EEF1AKMT2: variants seen among roughly 807,000 people sequenced by gnomAD.
The protein encoded by EEF1AKMT2 is eukaryotic translation elongation factor 1 alpha lysine methyltransferase 2.
In EEF1AKMT2, 32 loss-of-function variants were observed where a neutral mutation model predicts 35.8. The observed-to-expected ratio is 0.89, with a 90% confidence interval of 0.67 to 1.20. The LOEUF is 1.20. Among genes scored for constraint, EEF1AKMT2 ranks in the 50% most tolerant of loss-of-function variants. The pLI, the probability that EEF1AKMT2 is intolerant of heterozygous loss-of-function variation, is 0.00. For missense variants in EEF1AKMT2, 330 were observed against 347.5 expected (o/e 0.95, Z 0.40); for synonymous variants, 121 against 133.7 (o/e 0.91, Z 0.65).
At chr10:124,765,993 C>CA (rs1336606294) in intron 4 of EEF1AKMT2, among the ~76,000 whole-genome samples, 1 of 152,080 alleles carries the variant, frequency 6.6e-6, no homozygotes, top group East Asian at 1.9e-4. Flanking sequence ...GAACTAAGTT[C>CA]ACTGGAAATA....
chr10:124,786,425 GA>G (rs1950584502), intron 3 of EEF1AKMT2, among the ~76,000 whole-genome samples: 1 of 151,556 alleles, frequency 6.6e-6, no homozygotes, highest in South Asian at 2.1e-4. Context: ...AAAATGGCGT[GA>G]ATCCGGGAGG....
chr10:124,774,329 C>T (rs1327370181), intron 4 of EEF1AKMT2, among the ~76,000 whole-genome samples: 2 of 140,396 alleles, frequency 1.4e-5, no homozygotes, highest in Non-Finnish European at 3.0e-5. Flanking sequence ...ATGGCGCCAC[C>T]GCACTCCAGC....
Position 124,774,760 on chromosome 10 carries a change from A to G in EEF1AKMT2, c.314T>C (p.Ile105Thr), listed in dbSNP as rs778005708. The G allele has an allele frequency of 6.8e-7, 1 of 1,470,308 alleles. No individual in the cohort carries two copies. Among genetic ancestry groups the G allele is most frequent in the Middle Eastern group, 1.9e-4 (1 of 5,328 alleles). 91.1% of individuals were successfully genotyped at this position (1,470,308 alleles called of 1,614,324 possible). Residue 105 changes from isoleucine to threonine, a missense_variant, in exon 4 of 7, where the codon ATT (isoleucine) becomes ACT (threonine). Transcript: ENST00000368836. Reference sequence around the variant, plus strand: ...AGAAGGAGAGTAATCAATTCCAGTAATATTAGAGAAACCAAATTTTGCCTA... The same window carrying G: ...AGAAGGAGAGTAATCAATTCCAGTAGTATTAGAGAAACCAAATTTTGCCTA... ...VELAKFGFSN[I>T]TGIDYSPSAI...
At chr10:124,770,473 G>A (rs894277912) in intron 4 of EEF1AKMT2, among the ~76,000 whole-genome samples, 1 of 152,136 alleles carries the variant, frequency 6.6e-6, no homozygotes, top group African/African-American at 2.4e-5. Context: ...TCGAAATCAT[G>A]AGTAAGTCAT....
chr10:124,780,600 G>T (rs1024675979), intron 3 of EEF1AKMT2, among the ~76,000 whole-genome samples: 5 of 152,036 alleles, frequency 3.3e-5, no homozygotes, highest in African/African-American at 1.2e-4. Context: ...TGGAGTTCAC[G>T]GGGACCTGTG....
At chr10:124,789,827 T>C (rs1950618737) in intron 2 of EEF1AKMT2, among the ~76,000 whole-genome samples, 1 of 150,898 alleles carries the variant, frequency 6.6e-6, no homozygotes, top group African/African-American at 2.4e-5. Context: ...ATCTACCCAC[T>C]AAAGCCAGAC....
At chr10:124,774,149 C>T (rs1220616151) in intron 4 of EEF1AKMT2, among the ~76,000 whole-genome samples, 1 of 152,080 alleles carries the variant, frequency 6.6e-6, no homozygotes, top group Admixed American at 6.5e-5. Context: ...GGGCAGATCA[C>T]GAGATCAGGA....
chr10:124,760,582 G>A, intron 6 of EEF1AKMT2, 79 bp from the exon 7 acceptor site: 1 of 1,061,800 alleles, frequency 9.4e-7, no homozygotes, highest in South Asian at 1.4e-5. Flanking sequence ...CATTAACACT[G>A]TACCATTGAA....
At chr10:124,774,931 G>A (rs1438304214) in intron 3 of EEF1AKMT2, 149 bp from the exon 4 acceptor site, 2 of 328,864 alleles carry the variant, frequency 6.1e-6, no homozygotes, top group Non-Finnish European at 1.1e-5. Flanking sequence ...AAATTTTATT[G>A]TAGACTCTAA....
intron 4 of EEF1AKMT2, among the ~76,000 whole-genome samples, chr10:124,772,984 T>C (rs1159242449): frequency 6.6e-6 from 1 of 152,202 alleles, no homozygotes; most frequent in African/African-American, 2.4e-5. Context: ...ACTTTTAATT[T>C]CCTTAAAGAA....
intron 5 of EEF1AKMT2, 26 bp from the exon 6 acceptor site, chr10:124,762,584 C>G (rs889453307): frequency 1.8e-6 from 2 of 1,091,560 alleles, no homozygotes; most frequent in African/African-American, 1.6e-5. Flanking sequence ...AGAGACAGAC[C>G]GTTTCAAAAA....
At chr10:124,786,488 A>G (rs1002936174) in intron 3 of EEF1AKMT2, among the ~76,000 whole-genome samples, 2 of 151,114 alleles carry the variant, frequency 1.3e-5, no homozygotes, top group African/African-American at 2.4e-5. Context: ...CCTGGGGGAC[A>G]GAGTGAGACT....
chr10:124,765,739 T>C, intron 4 of EEF1AKMT2, 131 bp from the exon 5 acceptor site: 1 of 662,634 alleles, frequency 1.5e-6, no homozygotes, highest in South Asian at 2.1e-5. Flanking sequence ...ATAATAAACA[T>C]ATTTTCAACT....
At position 124,762,571 on chromosome 10, in the gene EEF1AKMT2, G is replaced by T. The variant is rs1488817144; in HGVS notation, c.617-13C>A. On this transcript the variant is annotated splice_polypyrimidine_tract_variant and intron_variant, in intron 5 of 6. Coordinates refer to ENST00000368836, the MANE Select transcript of EEF1AKMT2 (RefSeq NM_212554.4). ...ACTGTACTCCAACCTGGGCAACAGA[G>T]AGAGAGACAGACCGTTTCAAAAACA... The T allele has an allele frequency of 8.6e-7, 1 of 1,161,654 alleles. No homozygotes were observed. 72.0% of individuals were successfully genotyped at this position (1,161,654 alleles called of 1,614,324 possible). A position where few individuals can be genotyped will look rare whatever the true frequency, so the allele number is the denominator to read the frequency against.
chr10:124,763,516 CA>C (rs1302199349), intron 5 of EEF1AKMT2, among the ~76,000 whole-genome samples: 3 of 152,118 alleles, frequency 2.0e-5, no homozygotes, highest in African/African-American at 7.2e-5. Context: ...CTCCAAATAC[CA>C]TTTTCTAAGG....
intron 6 of EEF1AKMT2, among the ~76,000 whole-genome samples, chr10:124,761,821 T>C (rs1238367417): frequency 1.3e-5 from 2 of 152,182 alleles, no homozygotes; most frequent in Non-Finnish European, 2.9e-5. Flanking sequence ...TCCCAGCTAC[T>C]TGGGAGGCTG....
intron 3 of EEF1AKMT2, among the ~76,000 whole-genome samples, chr10:124,779,812 C>T (rs1292828861): frequency 1.4e-5 from 2 of 145,876 alleles, no homozygotes; most frequent in African/African-American, 5.0e-5. Context: ...CCTGTAATCC[C>T]AGCACTCTTG....
downstream of EEF1AKMT2, among the ~76,000 whole-genome samples, chr10:124,756,723 G>A (rs1465250491): frequency 5.3e-5 from 8 of 152,058 alleles, no homozygotes; most frequent in Admixed American, 3.3e-4. Flanking sequence ...CTTCTTACCC[G>A]TCGCTTTTCA....
At chr10:124,770,697 G>A (rs1344935526) in intron 4 of EEF1AKMT2, among the ~76,000 whole-genome samples, 3 of 152,174 alleles carry the variant, frequency 2.0e-5, no homozygotes, top group East Asian at 1.9e-4. Flanking sequence ...AACATCCTTC[G>A]ATATTGGAGG....
Sources: gnomAD v4.1 joint callset for allele counts (sites outside exome capture counted in the v4.1 genomes callset) on GRCh38, gnomAD v4.1.1 for gene constraint, MANE v1.5 for transcripts, NCBI Gene and HGNC (gene_info 2026-07-23, HGNC 2026-07-21) for gene names.